The following NEB variants were observed in gnomAD, a reference collection of about 807,000 sequenced individuals.
The protein encoded by NEB is nebulin.
Under a neutral mutation model 952.2 loss-of-function variants are expected in NEB, and 512 were observed. That is an observed-to-expected ratio of 0.54 (90% CI 0.50 to 0.58). NEB has a LOEUF of 0.58. NEB is among the 20% of genes least tolerant of loss of function. The probability of loss-of-function intolerance (pLI) is 0.00; values close to 1 mark genes in which losing one functional copy is unlikely to be tolerated. For synonymous variants in NEB, 2,900 were observed against 3,149.8 expected, an observed-to-expected ratio of 0.92 and a Z score of 2.66; for missense variants, 8,428 against 9,231.1, an observed-to-expected ratio of 0.91 and a Z score of 3.56.
rs2099254265 is a variant in NEB at position 151,669,027 on chromosome 2, A to G, written c.4611T>C (p.Asp1537=). ...QAKVNALNMS[D]AHYKADWKKT... is the part of the protein sequence containing the mutation. ...TATTAGCACTGGGCCAAATACTCAC[A>G]TCACTCATGTTGAGGGCGTTGACTT... Residue 1537 remains aspartate, a splice_region_variant and synonymous_variant, in exon 39 of 182, where the codon GAT becomes GAC. Transcript: ENST00000397345. 3.8e-6 allele frequency: 6 copies of G among 1,578,724 alleles called. No homozygotes were observed. The highest frequency in any genetic ancestry group is 3.3e-4 in the Middle Eastern group (2 of 6,004).
rs763910385 is a variant in NEB, at chr2:151,680,774, G to A, written c.2998C>T (p.Pro1000Ser). The A allele has an allele frequency of 1.1e-5, 18 of 1,613,186 alleles. No homozygotes were observed. The highest frequency in any genetic ancestry group is 3.3e-5 in the Admixed American group (2 of 59,992). The change falls in exon 30 of 182, where the codon CCA becomes TCA. Residue 1000 changes from proline to serine, a missense_variant. Physicochemically the swap from Pro to Ser is moderately conservative, Grantham distance 74. This residue lies in a region of NEB where 2,851 missense variants were observed against 2,791.5 expected (regional missense o/e 1.02). Transcript: ENST00000397345. ...TTAATTTTAGACTGTACTGTAATTG[G>A]AGCATCTTCAATCGAGGTAAACTTG... ...TLKFTSIEDA[P>S]ITVQSKINQA...
At chr2:151,695,856 T>C (rs1050623013) in intron 17 of NEB, among the ~76,000 whole-genome samples, 174 bp from the exon 18 acceptor site, 2 of 152,214 alleles carry the variant, frequency 1.3e-5, no homozygotes, top group African/African-American at 4.8e-5. Context: ...TGGCAGCTAT[T>C]ATCACATCTG....
intron 153 of NEB, 143 bp from the exon 154 acceptor site, chr2:151,519,911 A>G (rs2080760125): frequency 3.5e-6 from 2 of 571,768 alleles, no homozygotes; most frequent in East Asian, 5.7e-5. Context: ...GGACATTTAG[A>G]GTAAAGAAGA....
chr2:151,571,469 C>G (rs2096626326), intron 107 of NEB, among the ~76,000 whole-genome samples: 1 of 151,962 alleles, frequency 6.6e-6, no homozygotes, highest in Non-Finnish European at 1.5e-5. Context: ...TGCAATAATT[C>G]AATTTATTTA....
At chr2:151,661,703 G>A (rs746090587) in intron 46 of NEB, among the ~76,000 whole-genome samples, 21 of 152,156 alleles carry the variant, frequency 1.4e-4, no homozygotes, top group Non-Finnish European at 3.1e-4. Context: ...GAACGTCCTG[G>A]TTTGAAATGC....
chr2:151,727,613 G>A (rs749446572), intron 5 of NEB, 78 bp downstream of exon 5: 42 of 1,383,038 alleles, frequency 3.0e-5, no homozygotes, highest in Non-Finnish European at 4.0e-5. Flanking sequence ...AATCCAGCCA[G>A]CATCCAAAAC....
At chr2:151,491,660 TA>T in intron 179 of NEB, 22 bp downstream of exon 179, 2 of 1,525,928 alleles carry the variant, frequency 1.3e-6, no homozygotes, top group Non-Finnish European at 1.8e-6. Flanking sequence ...GTTTATGTTG[TA>T]AGCCTTTTTC....
intron 135 of NEB, among the ~76,000 whole-genome samples, chr2:151,542,957 G>A (rs776941369): frequency 1.3e-5 from 2 of 152,124 alleles, no homozygotes; most frequent in Non-Finnish European, 2.9e-5. Flanking sequence ...ACTAGTCCCA[G>A]TTACTGGAAC....
Position 151,663,624 on chromosome 2 carries a change from A to G in NEB, c.5687T>C (p.Val1896Ala). Residue 1896 changes from valine (V) to alanine (A), a missense_variant, in exon 45 of 182, where the codon GTG (valine) becomes GCG (alanine). Physicochemically the swap from Val to Ala is moderately conservative, Grantham distance 64. This residue lies in a region of NEB where 2,851 missense variants were observed against 2,791.5 expected (regional missense o/e 1.02). Coordinates refer to ENST00000397345, the MANE Select transcript of NEB (RefSeq NM_001164508.2). ...EVATNANYRN[V>A]IHTYNMLPDA... ...AGGAAGCATGTTGTAGGTATGGATC[A>G]CGTTCCTGTAGTTGGCATTGGTGGC... 6.2e-7 allele frequency: 1 copy of G among 1,613,802 alleles called. No homozygotes were observed. The highest frequency in any genetic ancestry group is 8.5e-7 in the Non-Finnish European group (1 of 1,179,760).
At position 151,611,340 on chromosome 2, in the gene NEB, T is replaced by C. The variant is rs1305519348; in HGVS notation, c.11806-474A>G. Among the ~76,000 whole-genome samples the C allele has an allele frequency of 2.6e-5, 4 of 152,312 alleles. No individual in the cohort carries two copies. In the East Asian group the frequency reaches 7.7e-4, roughly 29 times the overall value. On this transcript the variant is annotated intron_variant, in intron 78 of 181. Coordinates refer to ENST00000397345, the MANE Select transcript of NEB (RefSeq NM_001164508.2). ...CTTTTTTATTATTTTTTGAAGATGA[T>C]CCATAACATATATAAAATGCCCAAG... is the stretch of plus-strand genomic sequence containing the variant.
chr2:151,569,868 G>A (rs913880720), intron 109 of NEB, among the ~76,000 whole-genome samples: 2 of 152,104 alleles, frequency 1.3e-5, no homozygotes, highest in African/African-American at 4.8e-5. Flanking sequence ...ATACAATTAA[G>A]ACCTGTATTC....
rs2095481848 is a variant in NEB at position 151,553,956 on chromosome 2, C to A, written c.19498G>T (p.Val6500Phe). 1 of 1,613,868 alleles carries A rather than the reference C, an allele frequency of 6.2e-7. No individual in the cohort carries two copies. Among genetic ancestry groups the A allele is most frequent in the Non-Finnish European group, 8.5e-7 (1 of 1,179,794 alleles). Residue 6500 changes from valine to phenylalanine, a missense_variant, in exon 126 of 182, where the codon GTT becomes TTT. Coordinates refer to ENST00000397345, the MANE Select transcript of NEB (RefSeq NM_001164508.2). ...IHIVPDMVEM[V>F]TAKDSQKKVS... ...TTCTTCTGGGAATCCTTGGCAGTAA[C>A]CATCTCTACCATGTCGGGCACGATG...
chr2:151,725,028 T>G (rs977596425), intron 6 of NEB, 67 bp from the exon 7 acceptor site: 6 of 1,227,352 alleles, frequency 4.9e-6, no homozygotes, highest in Non-Finnish European at 6.0e-6. Flanking sequence ...AAGGAATTTC[T>G]TATAACCACA....
At position 151,691,878 on chromosome 2, in the gene NEB, C is replaced by G. The variant is rs1225880565; in HGVS notation, c.2197G>C (p.Asp733His). 1.3e-6 allele frequency: 2 copies of G among 1,596,268 alleles called. No individual in the cohort carries two copies. Among genetic ancestry groups the G allele is most frequent in the South Asian group, 2.3e-5 (2 of 88,864 alleles). The change falls in exon 23 of 182, where the codon GAC (aspartate) becomes CAC (histidine). Residue 733 changes from aspartate (D) to histidine (H), a missense_variant. By Grantham distance (81) the Asp-to-His change is moderately conservative. Around this residue, in one of 11 missense-constraint regions of NEB, gnomAD observed 2,851 missense variants for 2,791.5 expected, o/e 1.02. Coordinates refer to ENST00000397345, the MANE Select transcript of NEB (RefSeq NM_001164508.2). Reference sequence around the variant, plus strand: ...AGCTAACTTACATCTTTACACTGGTCCAGCTTCTTGATTGCTTCATATTCT... The same window carrying G: ...AGCTAACTTACATCTTTACACTGGTGCAGCTTCTTGATTGCTTCATATTCT... ...TQEYEAIKKL[D>H]QCKDHTYKVH...
intron 181 of NEB, among the ~76,000 whole-genome samples, chr2:151,487,276 AT>A (rs2051502939): frequency 1.3e-5 from 2 of 152,180 alleles, no homozygotes; most frequent in Non-Finnish European, 2.9e-5. Context: ...AATTGTAATA[AT>A]TTGGAGGTAT....
Position 151,560,588 on chromosome 2 carries a change from T to G in NEB, c.19314+4A>C, listed in dbSNP as rs2095976718. 1 of 1,605,352 alleles carries G rather than the reference T, an allele frequency of 6.2e-7. No individual in the cohort carries two copies. The highest frequency in any genetic ancestry group is 8.5e-7 in the Non-Finnish European group (1 of 1,175,546). ...GAAAGCTGTCATGTTTTTGCTTTAC[T>G]TACATGGCTGGCCAGATGCTTCTGG... On this transcript the variant is annotated splice_donor_region_variant and intron_variant, in intron 124 of 181. Coordinates refer to ENST00000397345, the MANE Select transcript of NEB (RefSeq NM_001164508.2).
intron 148 of NEB, 74 bp from the exon 149 acceptor site, chr2:151,526,336 C>G: frequency 1.0e-6 from 1 of 985,688 alleles, no homozygotes; most frequent in Non-Finnish European, 1.6e-6. Context: ...ACCCTCAAAC[C>G]AGTAGAACAG....
At chr2:151,510,378 T>A (rs560929947) in intron 161 of NEB, among the ~76,000 whole-genome samples, 2 of 152,366 alleles carry the variant, frequency 1.3e-5, no homozygotes, top group South Asian at 4.1e-4. Context: ...CATCCCAGCC[T>A]TTGTACAGGG....
chr2:151,592,072 T>C lies in NEB; in HGVS notation c.14788A>G (p.Met4930Val). The C allele has an allele frequency of 6.5e-7, 1 of 1,549,640 alleles. No individual in the cohort carries two copies. The highest frequency in any genetic ancestry group is 8.7e-7 in the Non-Finnish European group (1 of 1,146,824). ...AGAGCATTGATTTTGGATTGCAGCA[T>C]CAGGGGAGTGTCAGCTGGCACGTTC... The part of the protein sequence containing the change: ...NVNVPADTPL[M>V]LQSKINALQI... Residue 4930 changes from methionine (M) to valine (V), a missense_variant, in exon 95 of 182, where the codon ATG (methionine) becomes GTG (valine). Around this residue, in one of 11 missense-constraint regions of NEB, gnomAD observed 13 missense variants for 40.6 expected, o/e 0.32. Transcript: ENST00000397345.
Sources: allele counts gnomAD v4.1 joint callset (sites outside exome capture counted in the v4.1 genomes callset), GRCh38; gene constraint gnomAD v4.1.1; regional missense constraint gnomAD v4.1.1; transcripts MANE v1.5; gene names NCBI Gene and HGNC (gene_info 2026-07-23, HGNC 2026-07-21).